Variants in LRRTM4 observed in about 807,000 individuals in gnomAD.
LRRTM4 encodes leucine-rich repeat transmembrane neuronal protein 4.
A neutral mutation model predicts 47.6 loss-of-function variants in LRRTM4; 25 were observed. The ratio of observed to expected loss-of-function variants is 0.53; its 90% CI spans 0.38 to 0.73. The LOEUF (loss-of-function observed/expected upper bound fraction) is 0.73, where lower values mean the gene tolerates loss of function less well. LRRTM4 is among the 30% of genes least tolerant of loss of function. The pLI, the probability that LRRTM4 is intolerant of heterozygous loss-of-function variation, is 0.00. For synonymous variants in LRRTM4, 311 were observed against 269.5 expected (o/e 1.15, Z -1.51); for missense variants, 638 against 713.4 (o/e 0.89, Z 1.20).
chr2:77,516,147 A>G (rs1466693790), intron 3 of LRRTM4, among the ~76,000 whole-genome samples: 1 of 151,906 alleles, frequency 6.6e-6, no homozygotes, highest in African/African-American at 2.4e-5. Context: ...TTGACTCAAC[A>G]GAATTATTAC....
chr2:76,804,342 A>G (rs1675853832), intron 3 of LRRTM4, among the ~76,000 whole-genome samples: 1 of 152,076 alleles, frequency 6.6e-6, no homozygotes, highest in African/African-American at 2.4e-5. Context: ...TTTTGATTTG[A>G]TAATTGCGTT....
chr2:77,452,797 T>C (rs1322074255), intron 3 of LRRTM4, among the ~76,000 whole-genome samples: 2 of 152,174 alleles, frequency 1.3e-5, no homozygotes, highest in Non-Finnish European at 2.9e-5. Context: ...ATAACTAAAA[T>C]GATGGCTTTT....
At chr2:76,990,816 A>C (rs549693702) in intron 3 of LRRTM4, among the ~76,000 whole-genome samples, 1 of 151,674 alleles carries the variant, frequency 6.6e-6, no homozygotes, top group Non-Finnish European at 1.5e-5. Flanking sequence ...ACACCTACAG[A>C]CTATTGCACC....
At chr2:77,420,226 A>T (rs1391940492) in intron 3 of LRRTM4, among the ~76,000 whole-genome samples, 3 of 152,216 alleles carry the variant, frequency 2.0e-5, no homozygotes, top group Admixed American at 2.0e-4. Flanking sequence ...ACCATAGGGC[A>T]GTTTATAACA....
chr2:77,411,692 G>A (rs770071593), intron 3 of LRRTM4, among the ~76,000 whole-genome samples: 1 of 133,884 alleles, frequency 7.5e-6, no homozygotes, highest in Non-Finnish European at 1.5e-5. Context: ...GGATGGTCTC[G>A]ATCTCCTGAC....
chr2:77,049,122 T>TA (rs34587249), intron 3 of LRRTM4, among the ~76,000 whole-genome samples: 2,174 of 62,318 alleles, frequency 0.035, 59 homozygotes, highest in Non-Finnish European at 0.045. Flanking sequence ...ATTTCATTTT[T>TA]TATATATATA....
intron 3 of LRRTM4, among the ~76,000 whole-genome samples, chr2:77,026,700 T>C (rs1046547197): frequency 3.3e-5 from 5 of 152,074 alleles, no homozygotes; most frequent in African/African-American, 9.6e-5. Flanking sequence ...TATTTGCACT[T>C]CTGTTTGCCT....
intron 3 of LRRTM4, among the ~76,000 whole-genome samples, chr2:77,182,553 A>T (rs190751552): frequency 1.1e-4 from 17 of 151,904 alleles, no homozygotes; most frequent in Admixed American, 4.6e-4. Context: ...AAGTAAAATT[A>T]AAAAAAACAT....
chr2:77,365,395 T>C (rs1002614137), intron 3 of LRRTM4, among the ~76,000 whole-genome samples: 1 of 152,008 alleles, frequency 6.6e-6, no homozygotes, highest in African/African-American at 2.4e-5. Flanking sequence ...AAAATAACTA[T>C]GAATATACTA....
chr2:76,773,338 C>T (rs2104120343), intron 3 of LRRTM4, among the ~76,000 whole-genome samples: 1 of 152,322 alleles, frequency 6.6e-6, no homozygotes, highest in African/African-American at 2.4e-5. Context: ...CCTTTGCTTC[C>T]AGCAAAGTTC....
At chr2:76,849,799 G>A (rs867901778) in intron 3 of LRRTM4, among the ~76,000 whole-genome samples, 1 of 152,060 alleles carries the variant, frequency 6.6e-6, no homozygotes, top group South Asian at 2.1e-4. Context: ...TAATATAATA[G>A]TAAGCAATCT....
chr2:76,790,870 A>T (rs749455545), intron 3 of LRRTM4, among the ~76,000 whole-genome samples: 1 of 152,170 alleles, frequency 6.6e-6, no homozygotes, highest in African/African-American at 2.4e-5. Flanking sequence ...GTAGGCAATG[A>T]TGCTGTCTGA....
At chr2:77,022,909 C>A (rs1459853133) in intron 3 of LRRTM4, among the ~76,000 whole-genome samples, 1 of 152,216 alleles carries the variant, frequency 6.6e-6, no homozygotes, top group Admixed American at 6.5e-5. Context: ...CTCACAGCTC[C>A]ACTAGGCAGT....
At chr2:77,093,098 G>T (rs543441937) in intron 3 of LRRTM4, among the ~76,000 whole-genome samples, 2 of 146,454 alleles carry the variant, frequency 1.4e-5, no homozygotes, top group African/African-American at 2.7e-5. Context: ...CAAAAAACTT[G>T]TCATCCCCAC....
chr2:76,798,604 G>A (rs1200652495), intron 3 of LRRTM4, among the ~76,000 whole-genome samples: 2 of 151,144 alleles, frequency 1.3e-5, no homozygotes, highest in Non-Finnish European at 2.9e-5. Context: ...TAAAATCACA[G>A]CAGAACTGAA....
chr2:77,152,849 G>T (rs1672466551), intron 3 of LRRTM4, among the ~76,000 whole-genome samples: 1 of 152,092 alleles, frequency 6.6e-6, no homozygotes, highest in Admixed American at 6.6e-5. Flanking sequence ...GAGGTACAAA[G>T]AGATGTTATA....
intron 3 of LRRTM4, among the ~76,000 whole-genome samples, chr2:77,367,450 G>C (rs1383676716): frequency 1.3e-5 from 2 of 151,676 alleles, no homozygotes; most frequent in African/African-American, 2.4e-5. Flanking sequence ...TCCTTGACCA[G>C]AGTACTTGTG....
intron 3 of LRRTM4, among the ~76,000 whole-genome samples, chr2:77,398,863 G>A (rs73941274): frequency 0.033 from 4,944 of 151,906 alleles, 280 homozygotes; most frequent in African/African-American, 0.11. Flanking sequence ...CCTTATCTAT[G>A]AGGAGCATTT....
chr2:76,916,711 T>C (rs1471426968), intron 3 of LRRTM4, among the ~76,000 whole-genome samples: 1 of 152,170 alleles, frequency 6.6e-6, no homozygotes, highest in African/African-American at 2.4e-5. Context: ...CCATGGTGTT[T>C]TGAGGTAAAA....
Sources: allele counts gnomAD v4.1 joint callset (sites outside exome capture counted in the v4.1 genomes callset), GRCh38; gene constraint gnomAD v4.1.1; transcripts MANE v1.5; gene names NCBI Gene and HGNC (gene_info 2026-07-23, HGNC 2026-07-21).